PDE1C: variants seen among roughly 807,000 people sequenced by gnomAD.
PDE1C encodes the protein dual specificity calcium/calmodulin-dependent 3',5'-cyclic nucleotide phosphodiesterase 1C.
In PDE1C, 62 loss-of-function variants were observed where a neutral mutation model predicts 93.1. The ratio of observed to expected loss-of-function variants is 0.67; its 90% confidence interval spans 0.54 to 0.82. The LOEUF is 0.82. Ranked by LOEUF, PDE1C falls within the 40% of genes least tolerant of loss-of-function variation. The pLI, the probability that PDE1C is intolerant of heterozygous loss-of-function variation, is 0.00. For missense variants in PDE1C, 742 were observed against 884.6 expected (o/e 0.84, Z 2.04); for synonymous variants, 325 against 310.1 (o/e 1.05, Z -0.50).
At chr7:31,756,602 A>G (rs1040523489) in intron 17 of PDE1C, among the ~76,000 whole-genome samples, 1 of 152,142 alleles carries the variant, frequency 6.6e-6, no homozygotes, top group Non-Finnish European at 1.5e-5. Context: ...ATAATAATTA[A>G]TAATAATAAG....
At chr7:32,251,168 G>C (rs1385996067) in intron 1 of PDE1C, among the ~76,000 whole-genome samples, 3 of 152,200 alleles carry the variant, frequency 2.0e-5, no homozygotes, top group African/African-American at 4.8e-5. Flanking sequence ...CCTGGCCTTT[G>C]TCCCCAGCCT....
chr7:32,207,940 A>C (rs1805719343), intron 2 of PDE1C, among the ~76,000 whole-genome samples: 1 of 152,216 alleles, frequency 6.6e-6, no homozygotes, highest in Non-Finnish European at 1.5e-5. Context: ...GTCACGATTC[A>C]TGCTTATTTA....
At chr7:32,211,414 A>G (rs1268884719) in intron 1 of PDE1C, among the ~76,000 whole-genome samples, 1 of 152,188 alleles carries the variant, frequency 6.6e-6, no homozygotes, top group Non-Finnish European at 1.5e-5. Context: ...AGCTACATCC[A>G]AAGTATTTCA....
the PDE1C span, among the ~76,000 whole-genome samples, chr7:31,672,106 C>T: frequency 7.9e-5 from 12 of 152,300 alleles, no homozygotes; most frequent in South Asian, 1.5e-3. Flanking sequence ...TTAAAATGCT[C>T]AAAGCTGAAC....
intron 6 of PDE1C, among the ~76,000 whole-genome samples, chr7:31,869,971 T>C (rs1795734325): frequency 6.6e-6 from 1 of 152,030 alleles, no homozygotes; most frequent in Admixed American, 6.5e-5. Flanking sequence ...ATTTGGAAAC[T>C]GAACAAATAC....
intron 2 of PDE1C, among the ~76,000 whole-genome samples, chr7:31,996,705 GC>G (rs1784772163): frequency 6.6e-6 from 1 of 152,178 alleles, no homozygotes; most frequent in Non-Finnish European, 1.5e-5. Context: ...TCTCTCTGCT[GC>G]TGCACATTGT....
At chr7:32,040,820 C>T (rs181747633) in intron 2 of PDE1C, among the ~76,000 whole-genome samples, 20 of 152,240 alleles carry the variant, frequency 1.3e-4, no homozygotes, top group Admixed American at 8.5e-4. Flanking sequence ...ATTGCCCTTA[C>T]GTAGCTTGAT....
rs79560186 is a variant in PDE1C, at chr7:32,425,588, T to A, written c.310+2234A>T. On this transcript the variant is annotated intron_variant, in intron 1 of 1. Coordinates refer to the PDE1C transcript ENST00000672256. ...AGAACGAATCTAATTCAATGAAAAT[T>A]GCTAGAAATTGGTTTTCTGGCATTA... is the stretch of plus-strand genomic sequence containing the variant. 2.6e-5 allele frequency among the ~76,000 whole-genome samples: 4 copies of A among 152,290 alleles called. No homozygotes were observed. In the East Asian group the frequency reaches 7.7e-4, roughly 29 times the overall value.
At chr7:32,364,788 G>A (rs978051655) in intron 1 of PDE1C, among the ~76,000 whole-genome samples, 14 of 152,210 alleles carry the variant, frequency 9.2e-5, no homozygotes, top group African/African-American at 3.1e-4. Flanking sequence ...CTCCAGCACT[G>A]GGGCTTCATT....
intron 1 of PDE1C, among the ~76,000 whole-genome samples, chr7:32,270,743 A>C (rs188076480): frequency 6.6e-6 from 1 of 152,244 alleles, no homozygotes; most frequent in Admixed American, 6.5e-5. Context: ...AGGGCTCTGG[A>C]GCACGTGGGA....
chr7:31,629,958 T>G, the PDE1C span, among the ~76,000 whole-genome samples: 1 of 152,046 alleles, frequency 6.6e-6, no homozygotes, highest in South Asian at 2.1e-4. Context: ...ATAAATATAA[T>G]AAATATCATG....
chr7:31,794,065 CAG>C (rs1562807767), intron 16 of PDE1C, among the ~76,000 whole-genome samples: 1 of 133,676 alleles, frequency 7.5e-6, no homozygotes, highest in African/African-American at 2.8e-5. Context: ...GACAGACAGA[CAG>C]ACAGACAGAC....
chr7:32,287,224 GA>G (rs1377538742), intron 1 of PDE1C, among the ~76,000 whole-genome samples: 1 of 152,108 alleles, frequency 6.6e-6, no homozygotes, highest in Admixed American at 6.6e-5. Context: ...TGCTCTTGGA[GA>G]AAAAAACCAA....
chr7:32,115,321 A>G (rs1183506874), intron 3 of PDE1C, among the ~76,000 whole-genome samples: 2 of 152,212 alleles, frequency 1.3e-5, no homozygotes, highest in African/African-American at 2.4e-5. Flanking sequence ...CTTCGCAGGG[A>G]CATGGATGAA....
chr7:31,904,918 G>T (rs977390326), intron 2 of PDE1C, among the ~76,000 whole-genome samples: 2 of 151,860 alleles, frequency 1.3e-5, no homozygotes, highest in African/African-American at 4.8e-5. Context: ...TAATAAACAT[G>T]GTAAAAAGTA....
At chr7:31,643,677 C>A in the PDE1C span, 1,192 of 1,613,944 alleles carry the variant, frequency 7.4e-4, no homozygotes, top group Non-Finnish European at 9.8e-4. Flanking sequence ...CTCTAAGCAA[C>A]AAGACCTTGA....
chr7:31,651,923 T>C, the PDE1C span: 22 of 1,554,716 alleles, frequency 1.4e-5, no homozygotes, highest in Non-Finnish European at 1.7e-5. Context: ...GGTTATTTTC[T>C]ATTATTTACT....
intron 1 of PDE1C, among the ~76,000 whole-genome samples, chr7:32,350,558 A>AAGTCTT (rs1562686424): frequency 0.047 from 52 of 1,110 alleles, 22 homozygotes; most frequent in Admixed American, 0.2. Flanking sequence ...ATATATATAT[A>AAGTCTT]TATATATATA....
intron 1 of PDE1C, among the ~76,000 whole-genome samples, chr7:32,307,601 G>C (rs1373685139): frequency 2.1e-5 from 3 of 143,754 alleles, no homozygotes; most frequent in African/African-American, 7.8e-5. Context: ...TGGAGACATG[G>C]TTAAACCCTG....
Sources: allele counts gnomAD v4.1 joint callset (sites outside exome capture counted in the v4.1 genomes callset), GRCh38; gene constraint gnomAD v4.1.1; transcripts MANE v1.5; gene names NCBI Gene and HGNC (gene_info 2026-07-23, HGNC 2026-07-21).